SLC14A2: variants seen among roughly 807,000 people sequenced by gnomAD.
The protein encoded by SLC14A2 is solute carrier family 14 member 2.
In SLC14A2, 91 loss-of-function variants were observed where a neutral mutation model predicts 104.6. That is an observed-to-expected ratio of 0.87 (90% confidence interval 0.73 to 1.04). The LOEUF is 1.04. SLC14A2 is among the 50% of genes least tolerant of loss of function. The pLI is 0.00. For missense variants in SLC14A2, 1,189 were observed against 1,156.0 expected (o/e 1.03, Z -0.41); for synonymous variants, 476 against 466.4 (o/e 1.02, Z -0.27).
chr18:45,391,260 A>AT (rs1568179223), intron 1 of SLC14A2, among the ~76,000 whole-genome samples: 1 of 152,154 alleles, frequency 6.6e-6, no homozygotes, highest in Non-Finnish European at 1.5e-5. Context: ...TGAACTCATC[A>AT]TTTTTTATGG....
At chr18:45,239,899 C>T (rs1017819411) in intron 1 of SLC14A2, among the ~76,000 whole-genome samples, 2 of 152,150 alleles carry the variant, frequency 1.3e-5, no homozygotes, top group Admixed American at 6.5e-5. Flanking sequence ...GATTATTTTA[C>T]TTACCATCAT....
chr18:45,319,773 C>T (rs780595465), intron 1 of SLC14A2, among the ~76,000 whole-genome samples: 4 of 152,236 alleles, frequency 2.6e-5, no homozygotes, highest in African/African-American at 7.2e-5. Flanking sequence ...CTGTGCTCAC[C>T]TCACATCACT....
At chr18:45,442,014 G>C (rs2086689462) in intron 1 of SLC14A2, among the ~76,000 whole-genome samples, 2 of 152,138 alleles carry the variant, frequency 1.3e-5, no homozygotes, top group Admixed American at 1.3e-4. Flanking sequence ...CCTATTCCAG[G>C]CTGACAAGGA....
intron 8 of SLC14A2, 47 bp from the exon 9 acceptor site, chr18:45,643,085 G>A: frequency 6.3e-7 from 1 of 1,596,134 alleles, no homozygotes; most frequent in Non-Finnish European, 8.6e-7. Context: ...GTGGCTTAGG[G>A]GGAAGGCCCT....
chr18:45,503,257 T>A (rs2043227462), intron 2 of SLC14A2, among the ~76,000 whole-genome samples: 1 of 152,070 alleles, frequency 6.6e-6, no homozygotes, highest in East Asian at 1.9e-4. Context: ...TTACTTAGAG[T>A]CAGGCTTTGA....
intron 1 of SLC14A2, among the ~76,000 whole-genome samples, chr18:45,449,251 A>G (rs1475920153): frequency 1.3e-5 from 2 of 152,214 alleles, no homozygotes; most frequent in Non-Finnish European, 2.9e-5. Context: ...AAGACTATGA[A>G]AGAGCATATA....
the SLC14A2 span, among the ~76,000 whole-genome samples, chr18:45,203,895 G>A: frequency 3.5e-3 from 536 of 152,302 alleles, 5 homozygotes; most frequent in African/African-American, 0.012. Context: ...ACACTATAGT[G>A]CATGAATTCT....
intron 2 of SLC14A2, among the ~76,000 whole-genome samples, chr18:45,560,389 C>G (rs143343978): frequency 2.0e-5 from 3 of 152,288 alleles, no homozygotes; most frequent in Non-Finnish European, 2.9e-5. Context: ...CCATCCTGGA[C>G]TTTCCCACTG....
intron 2 of SLC14A2, among the ~76,000 whole-genome samples, chr18:45,490,679 G>A (rs189936451): frequency 6.6e-6 from 1 of 152,318 alleles, no homozygotes; most frequent in Admixed American, 6.5e-5. Flanking sequence ...ACAGGTGAGA[G>A]ATTTGGAGGA....
At chr18:45,610,264 G>C (rs1163244198) in intron 2 of SLC14A2, among the ~76,000 whole-genome samples, 1 of 152,148 alleles carries the variant, frequency 6.6e-6, no homozygotes, top group Non-Finnish European at 1.5e-5. Flanking sequence ...CCCAGGTGAA[G>C]CTGATGCTGA....
chr18:45,218,964 T>C (rs2084036963), intron 1 of SLC14A2, among the ~76,000 whole-genome samples: 1 of 152,188 alleles, frequency 6.6e-6, no homozygotes, highest in African/African-American at 2.4e-5. Flanking sequence ...AGAATTAATT[T>C]TTAGTTGTTA....
chr18:45,405,143 T>C (rs1039669015), intron 1 of SLC14A2, among the ~76,000 whole-genome samples: 4 of 152,152 alleles, frequency 2.6e-5, no homozygotes, highest in African/African-American at 9.7e-5. Context: ...AGACAGAGTC[T>C]GGGAAGTTGC....
At chr18:45,221,861 A>T (rs2084065654) in intron 1 of SLC14A2, among the ~76,000 whole-genome samples, 1 of 152,098 alleles carries the variant, frequency 6.6e-6, no homozygotes, top group Admixed American at 6.5e-5. Flanking sequence ...AAGGCTAGCC[A>T]CATAAAGTAA....
At chr18:45,277,637 G>A (rs1194333386) in intron 1 of SLC14A2, among the ~76,000 whole-genome samples, 2 of 152,082 alleles carry the variant, frequency 1.3e-5, no homozygotes, top group South Asian at 2.1e-4. Context: ...TTAAACTCCT[G>A]GACTCAAGCA....
chr18:45,344,311 A>G (rs1302624061), intron 1 of SLC14A2, among the ~76,000 whole-genome samples: 1 of 152,170 alleles, frequency 6.6e-6, no homozygotes, highest in South Asian at 2.1e-4. Context: ...CTAAGACCAC[A>G]TAAACAAAGG....
chr18:45,226,111 A>G (rs1223483686), intron 1 of SLC14A2, among the ~76,000 whole-genome samples: 2 of 152,208 alleles, frequency 1.3e-5, no homozygotes, highest in African/African-American at 2.4e-5. Context: ...AATCAAAACC[A>G]CAATGAGATA....
At chr18:45,448,850 G>GA (rs2086813212) in intron 1 of SLC14A2, among the ~76,000 whole-genome samples, 1 of 152,234 alleles carries the variant, frequency 6.6e-6, no homozygotes, top group South Asian at 2.1e-4. Context: ...TTACCCTGGT[G>GA]CCTTGCTAAA....
chr18:45,246,677 A>C (rs574567764), intron 1 of SLC14A2, among the ~76,000 whole-genome samples: 38 of 152,104 alleles, frequency 2.5e-4, no homozygotes, highest in African/African-American at 8.7e-4. Flanking sequence ...GGTTCAAACA[A>C]TTCTCTTGCC....
At chr18:45,259,897 G>GC (rs2084518179) in intron 1 of SLC14A2, among the ~76,000 whole-genome samples, 1 of 152,176 alleles carries the variant, frequency 6.6e-6, no homozygotes, top group South Asian at 2.1e-4. Flanking sequence ...TAACGGTAGA[G>GC]CACAAAGCTT....
Sources: gnomAD v4.1 joint callset for allele counts (sites outside exome capture counted in the v4.1 genomes callset) on GRCh38, gnomAD v4.1.1 for gene constraint, MANE v1.5 for transcripts, NCBI Gene and HGNC (gene_info 2026-07-23, HGNC 2026-07-21) for gene names.